The following KANSL1L variants were observed in gnomAD, a reference collection of about 807,000 sequenced individuals.
The protein encoded by KANSL1L is KAT8 regulatory NSL complex subunit 1 like.
KANSL1L carries 25 observed loss-of-function variants against 108.6 expected under a neutral mutation model. The ratio of observed to expected loss-of-function variants is 0.23; its 90% confidence interval spans 0.17 to 0.32. The LOEUF (loss-of-function observed/expected upper bound fraction) is 0.32. KANSL1L is among the 10% of genes least tolerant of loss of function. The pLI is 1.00. For synonymous variants in KANSL1L, 405 were observed against 395.1 expected, an observed-to-expected ratio of 1.03 and a Z score of -0.30; for missense variants, 1,137 against 1,125.7, an observed-to-expected ratio of 1.01 and a Z score of -0.14.
intron 3 of KANSL1L, among the ~76,000 whole-genome samples, chr2:210,105,560 A>G (rs912126529): frequency 5.3e-5 from 8 of 151,610 alleles, no homozygotes; most frequent in African/African-American, 1.5e-4. Flanking sequence ...TACATCATGC[A>G]TAAGTCTTAT....
At chr2:210,110,545 G>T (rs75886877) in intron 3 of KANSL1L, among the ~76,000 whole-genome samples, 2,736 of 152,124 alleles carry the variant, frequency 0.018, 45 homozygotes, top group Non-Finnish European at 0.025. Flanking sequence ...CCAATATACA[G>T]GACAAAGTCT....
chr2:210,153,015 T>C (rs1425743847), intron 2 of KANSL1L: 1 of 153,464 alleles, frequency 6.5e-6, no homozygotes, highest in African/African-American at 2.4e-5. Context: ...ACACAATAAT[T>C]TAACAAACAA....
chr2:210,035,914 G>A (rs928242962), intron 8 of KANSL1L, among the ~76,000 whole-genome samples: 1 of 152,172 alleles, frequency 6.6e-6, no homozygotes, highest in Admixed American at 6.5e-5. Context: ...TGTTAGAAAT[G>A]CAGAATTTCA....
At chr2:210,144,806 C>T (rs972017617) in intron 2 of KANSL1L, among the ~76,000 whole-genome samples, 1 of 152,180 alleles carries the variant, frequency 6.6e-6, no homozygotes, top group Non-Finnish European at 1.5e-5. Context: ...CCAAGATATT[C>T]ATAGATCTTC....
chr2:210,126,355 G>A (rs563358093), intron 3 of KANSL1L, among the ~76,000 whole-genome samples: 27 of 152,276 alleles, frequency 1.8e-4, no homozygotes, highest in African/African-American at 5.8e-4. Context: ...TTCATGGATT[G>A]GAAGACTTAA....
At chr2:210,057,843 G>A (rs1288434162) in intron 6 of KANSL1L, among the ~76,000 whole-genome samples, 11 of 152,266 alleles carry the variant, frequency 7.2e-5, no homozygotes, top group Non-Finnish European at 4.4e-5. Flanking sequence ...GATTTCCTAT[G>A]CTTGTCTTTA....
rs777418754 is a variant in KANSL1L, at chr2:210,154,138, C to T, written c.445G>A (p.Val149Ile). The T allele has an allele frequency of 3.7e-6, 6 of 1,614,060 alleles. No homozygotes were observed. The highest frequency in any genetic ancestry group is 3.3e-5 in the Admixed American group (2 of 60,016). The change falls in exon 2 of 15, where the codon GTA becomes ATA. Residue 149 changes from valine (V) to isoleucine (I), a missense_variant. Val to Ile is a conservative substitution (Grantham distance 29). Transcript: ENST00000281772. ...ATATTTGAATCCAGAATAATTTGTA[C>T]ATCTTTCATGCACTGGCTCGTGGTA... ...SDTTSQCMKDVQIILDSNITK... is the reference protein window; with the variant it reads ...SDTTSQCMKDIQIILDSNITK...
At chr2:210,143,784 T>C (rs1435503154) in intron 2 of KANSL1L, among the ~76,000 whole-genome samples, 2 of 152,176 alleles carry the variant, frequency 1.3e-5, no homozygotes, top group Admixed American at 1.3e-4. Context: ...ACAATTTACA[T>C]CTTTTCATAT....
At chr2:210,130,639 G>A (rs1439719238) in intron 2 of KANSL1L, among the ~76,000 whole-genome samples, 1 of 152,006 alleles carries the variant, frequency 6.6e-6, no homozygotes, top group Non-Finnish European at 1.5e-5. Flanking sequence ...TCATAAATTT[G>A]ACACTTAAAA....
In KANSL1L at chr2:210,021,771, A is replaced by G. The variant is rs921934937; in HGVS notation, c.*1178T>C. 4 of 152,034 alleles carry G rather than the reference A, an allele frequency of 2.6e-5. No individual in the cohort carries two copies. Among genetic ancestry groups the G allele is most frequent in the Admixed American group, 6.6e-5 (1 of 15,254 alleles). 9.4% of individuals were successfully genotyped at this position (152,034 alleles called of 1,614,324 possible). On this transcript the variant is annotated 3_prime_UTR_variant, in exon 15 of 15. Transcript: ENST00000281772. ...TATATAAATTGTCCTCAACTTTCAC[A>G]TAGGAAAAAAATGGTTTAATAGCTT...
At chr2:210,112,935 T>C (rs1260750655) in intron 3 of KANSL1L, among the ~76,000 whole-genome samples, 1 of 152,180 alleles carries the variant, frequency 6.6e-6, no homozygotes, top group African/African-American at 2.4e-5. Flanking sequence ...CTTAGCACAA[T>C]AGCAGCTACC....
intron 3 of KANSL1L, among the ~76,000 whole-genome samples, chr2:210,123,445 G>A (rs2095039239): frequency 6.6e-6 from 1 of 152,062 alleles, no homozygotes; most frequent in South Asian, 2.1e-4. Flanking sequence ...GACAAATTGT[G>A]CATGTTCTCA....
intron 3 of KANSL1L, among the ~76,000 whole-genome samples, chr2:210,125,577 A>T (rs919207643): frequency 2.6e-5 from 4 of 152,228 alleles, no homozygotes; most frequent in African/African-American, 9.6e-5. Context: ...ACCAAAAATT[A>T]GCAAGCCAAA....
intron 1 of KANSL1L, among the ~76,000 whole-genome samples, chr2:210,158,748 C>A (rs2095346858): frequency 1.3e-5 from 2 of 150,036 alleles, no homozygotes; most frequent in South Asian, 2.1e-4. Flanking sequence ...TACTTTGCAA[C>A]CAAAAGAAAC....
chr2:210,073,774 AAC>A (rs372708042), intron 6 of KANSL1L, among the ~76,000 whole-genome samples: 18,216 of 141,452 alleles, frequency 0.13, 1,200 homozygotes, highest in African/African-American at 0.18. Flanking sequence ...GAAACACACA[AAC>A]ACACACACAC....
intron 8 of KANSL1L, among the ~76,000 whole-genome samples, chr2:210,036,171 T>C (rs1477034338): frequency 6.6e-6 from 1 of 152,060 alleles, no homozygotes; most frequent in African/African-American, 2.4e-5. Flanking sequence ...ATACTCCTTA[T>C]TTATATCTTC....
intron 8 of KANSL1L, among the ~76,000 whole-genome samples, chr2:210,036,896 A>G (rs2094110582): frequency 6.6e-6 from 1 of 152,006 alleles, no homozygotes; most frequent in Non-Finnish European, 1.5e-5. Flanking sequence ...AGCTAGGACA[A>G]CAGGTGCACG....
chr2:210,050,737 C>T (rs2094282892), intron 6 of KANSL1L, among the ~76,000 whole-genome samples: 1 of 151,020 alleles, frequency 6.6e-6, no homozygotes, highest in African/African-American at 2.4e-5. Flanking sequence ...CAGTGGCACA[C>T]ACCTATATTC....
At chr2:210,100,927 C>A (rs527560127) in intron 4 of KANSL1L, among the ~76,000 whole-genome samples, 1 of 152,164 alleles carries the variant, frequency 6.6e-6, no homozygotes, top group African/African-American at 2.4e-5. Context: ...CATGAGCTAC[C>A]ATGCCCGGCC....
Sources: gnomAD v4.1 joint callset for allele counts (sites outside exome capture counted in the v4.1 genomes callset) on GRCh38, gnomAD v4.1.1 for gene constraint, MANE v1.5 for transcripts, NCBI Gene and HGNC (gene_info 2026-07-23, HGNC 2026-07-21) for gene names.